ATP11A: variants seen among roughly 807,000 people sequenced by gnomAD.
The protein encoded by ATP11A is ATPase phospholipid transporting 11A, also known as phospholipid-transporting ATPase IH.
A neutral mutation model predicts 154.4 loss-of-function variants in ATP11A; 81 were observed. That is an observed-to-expected ratio of 0.52 (90% CI 0.44 to 0.63). ATP11A has a LOEUF of 0.63. Among genes scored for constraint, ATP11A ranks in the 30% least tolerant of loss-of-function variants. ATP11A has a pLI of 0.00. For missense variants in ATP11A, 1,316 were observed against 1,474.3 expected, an observed-to-expected ratio of 0.89 and a Z score of 1.76; for synonymous variants, 623 against 585.9, an observed-to-expected ratio of 1.06 and a Z score of -0.91.
rs1477863929 is a variant in ATP11A at position 112,885,126 on chromosome 13, A to G, written c.*3260A>G. ...ACCAAAGCATGTGTGACCTACAGAC[A>G]TGCAGAACATGCACGTGTACACATA... On this transcript the variant is annotated 3_prime_UTR_variant, in exon 30 of 30. Coordinates refer to ENST00000375645, the MANE Select transcript of ATP11A (RefSeq NM_015205.3). 2.6e-5 allele frequency: 4 copies of G among 152,290 alleles called. No individual in the cohort carries two copies. The highest frequency in any genetic ancestry group is 9.7e-5 in the African/African-American group (4 of 41,448). 9.4% of individuals were successfully genotyped at this position (152,290 alleles called of 1,614,324 possible). A position where few individuals can be genotyped will look rare whatever the true frequency, so the allele number is the denominator to read the frequency against.
intron 1 of ATP11A, among the ~76,000 whole-genome samples, chr13:112,737,911 C>T (rs1891162560): frequency 6.6e-6 from 1 of 152,122 alleles, no homozygotes; most frequent in Non-Finnish European, 1.5e-5. Context: ...TTCCGGAAGC[C>T]CATTCATAGT....
chr13:112,871,355 T>A (rs1313402089), intron 25 of ATP11A, among the ~76,000 whole-genome samples: 19 of 152,190 alleles, frequency 1.2e-4, no homozygotes. Context: ...GAGTTTGCAT[T>A]ATGGATATTT....
chr13:112,876,460 G>A (rs1481620125), intron 28 of ATP11A, among the ~76,000 whole-genome samples: 3 of 151,926 alleles, frequency 2.0e-5, no homozygotes, highest in South Asian at 2.1e-4. Context: ...CTTAGCTCCC[G>A]GTCCCCCATC....
chr13:112,858,289 A>C lies in ATP11A; in HGVS notation c.2666A>C (p.Lys889Thr), dbSNP rs2079992397. 6.2e-7 allele frequency: 1 copy of C among 1,610,338 alleles called. No individual in the cohort carries two copies. Among genetic ancestry groups the C allele is most frequent in the Admixed American group, 1.7e-5 (1 of 59,916 alleles). Residue 889 changes from lysine (K) to threonine (T), a missense_variant and splice_region_variant, in exon 22 of 30, where the codon AAG becomes ACG. Coordinates refer to ENST00000375645, the MANE Select transcript of ATP11A (RefSeq NM_015205.3). ...ISELVQYFFY[K>T]NVCFIFPQFL... ...GAGCTCGTGCAGTACTTCTTCTATA[A>C]GGTAGGAGGGTCGCCGCTCCCCCTC...
At chr13:112,733,600 A>G (rs1890705488) in intron 1 of ATP11A, among the ~76,000 whole-genome samples, 2 of 152,258 alleles carry the variant, frequency 1.3e-5, no homozygotes, top group East Asian at 3.8e-4. Flanking sequence ...TGTTAAATCC[A>G]GAACCTTCGA....
rs190157517 is a variant in ATP11A, at chr13:112,834,932, T to C, written c.1631+272T>C. On this transcript the variant is annotated intron_variant, in intron 15 of 29. Coordinates refer to ENST00000375645, the MANE Select transcript of ATP11A (RefSeq NM_015205.3). ...GAGTTCAGTGAACAAAAGTTCACTG[T>C]CAAATATGTTTTGGGTTAAGCCACC... 1.6e-4 allele frequency among the ~76,000 whole-genome samples: 24 copies of C among 152,324 alleles called. No individual in the cohort carries two copies. In the East Asian group the frequency reaches 3.7e-3, roughly 23 times the overall value.
Position 112,807,856 on chromosome 13 carries a change from G to A in ATP11A, c.333+1563G>A, listed in dbSNP as rs950336177. On this transcript the variant is annotated intron_variant, in intron 4 of 29. Coordinates refer to ENST00000375645, the MANE Select transcript of ATP11A (RefSeq NM_015205.3). The surrounding 1 kb of genome is among the most constrained non-coding windows in gnomAD (Gnocchi z 4.5). ...GAGCAGAGAGAAGGGGCGCGGGGGT[G>A]CAGAACAAGGGGCTGAGGCTCTATG... Among the ~76,000 whole-genome samples the A allele has an allele frequency of 1.3e-5, 2 of 152,120 alleles. No individual in the cohort carries two copies. The highest frequency in any genetic ancestry group is 2.9e-5 in the Non-Finnish European group (2 of 68,004).
intron 2 of ATP11A, among the ~76,000 whole-genome samples, chr13:112,786,113 C>T (rs9577838): frequency 1.7e-5 from 1 of 58,104 alleles, no homozygotes; most frequent in Non-Finnish European, 3.1e-5. Flanking sequence ...GCTAAACCCA[C>T]GCACACGCGT....
intron 1 of ATP11A, among the ~76,000 whole-genome samples, chr13:112,704,518 G>T (rs1276721750): frequency 6.6e-6 from 1 of 152,264 alleles, no homozygotes; most frequent in Non-Finnish European, 1.5e-5. Context: ...GCGAGGCTCT[G>T]ACTGCGGCGT....
rs1420600340 is a variant in ATP11A at position 112,787,197 on chromosome 13, T to C, written c.162+1940T>C. ...AGACCCCTGTGGAGACCTACTTAAT[T>C]CACACCAAGTGTCCTGATGTGTAGA... On this transcript the variant is annotated intron_variant, in intron 2 of 29. Transcript: ENST00000375645. Among the ~76,000 whole-genome samples, 160 of 138,054 alleles carry C rather than the reference T, an allele frequency of 1.2e-3. 4 individuals carry two copies. The highest frequency in any genetic ancestry group is 4.7e-3 in the African/African-American group (147 of 31,240). 90.6% of individuals were successfully genotyped at this position (138,054 alleles called of 152,430 possible). A position where few individuals can be genotyped will look rare whatever the true frequency, so the allele number is the denominator to read the frequency against.
At chr13:112,700,534 G>A (rs1175311200) in intron 1 of ATP11A, among the ~76,000 whole-genome samples, 1 of 152,242 alleles carries the variant, frequency 6.6e-6, no homozygotes, top group Non-Finnish European at 1.5e-5. Context: ...TGCTGAGGGT[G>A]GTGGGTGGGC....
intron 1 of ATP11A, among the ~76,000 whole-genome samples, chr13:112,766,520 A>G (rs960870078): frequency 3.3e-5 from 5 of 152,052 alleles, no homozygotes; most frequent in Non-Finnish European, 7.3e-5. Context: ...GGCTGAATCT[A>G]TACTGCAGCC....
intron 1 of ATP11A, among the ~76,000 whole-genome samples, chr13:112,721,010 T>G (rs1889111571): frequency 6.6e-6 from 1 of 152,040 alleles, no homozygotes. Context: ...GCTCTTGAAG[T>G]CAGAAGGTGA....
chr13:112,840,794 C>A (rs1377640028), intron 16 of ATP11A, among the ~76,000 whole-genome samples: 1 of 152,064 alleles, frequency 6.6e-6, no homozygotes, highest in Non-Finnish European at 1.5e-5. Flanking sequence ...CCTGTTCCTA[C>A]TCCTGAGTCC....
intron 1 of ATP11A, among the ~76,000 whole-genome samples, chr13:112,693,500 G>A (rs1885435887): frequency 6.6e-6 from 1 of 151,952 alleles, no homozygotes; most frequent in South Asian, 2.1e-4. Flanking sequence ...TGTGTGTGCC[G>A]TGGGGTGGTG....
rs763504140 is a variant in ATP11A at position 112,819,892 on chromosome 13, G to C, written c.675-8G>C. 6.2e-7 allele frequency: 1 copy of C among 1,614,102 alleles called. No homozygotes were observed. Among genetic ancestry groups the C allele is most frequent in the East Asian group, 2.2e-5 (1 of 44,880 alleles). ...GTCCGGTCAGTAACGTGGCTTTTCT[G>C]TCGCCAGGTTCGTGGGTCGCATCAA... On this transcript the variant is annotated splice_polypyrimidine_tract_variant and splice_region_variant and intron_variant, in intron 7 of 29. Transcript: ENST00000375645.
intron 12 of ATP11A, among the ~76,000 whole-genome samples, chr13:112,828,511 G>T (rs1393474639): frequency 1.4e-5 from 2 of 146,652 alleles, no homozygotes; most frequent in Non-Finnish European, 3.0e-5. Flanking sequence ...GCGGTGTTGA[G>T]TGTGGGGAAA....
rs1323051249 is a variant in ATP11A at position 112,805,038 on chromosome 13, C to G, written c.244C>G (p.Leu82Val). The G allele has an allele frequency of 1.2e-6, 2 of 1,608,278 alleles. No homozygotes were observed. Among genetic ancestry groups the G allele is most frequent in the Non-Finnish European group, 1.7e-6 (2 of 1,176,810 alleles). The change falls in exon 3 of 30, where the codon CTG (leucine) becomes GTG (valine). Residue 82 changes from leucine to valine, a missense_variant. Physicochemically the swap from Leu to Val is conservative, Grantham distance 32. Around this residue, in one of 5 missense-constraint regions of ATP11A, gnomAD observed 123 missense variants for 113.7 expected, o/e 1.08. Coordinates refer to ENST00000375645, the MANE Select transcript of ATP11A (RefSeq NM_015205.3). ...VANFYFLIIF[L>V]VQLIIDTPTS... ...CAACTTTTATTTCCTTATCATATTT[C>G]TGGTGCAGGTAAGGCCGGTCATTGT... is the stretch of plus-strand genomic sequence containing the variant.
intron 5 of ATP11A, chr13:112,812,141 GATTAA>G (rs2140167660): frequency 6.6e-6 from 1 of 152,324 alleles, no homozygotes; most frequent in South Asian, 2.1e-4. Flanking sequence ...CAAAATATGT[GATTAA>G]ATTATTTAAA....
Sources: allele counts gnomAD v4.1 joint callset (sites outside exome capture counted in the v4.1 genomes callset), GRCh38; gene constraint gnomAD v4.1.1; regional missense constraint gnomAD v4.1.1; non-coding constraint Gnocchi (gnomAD v3.1); transcripts MANE v1.5; gene names NCBI Gene and HGNC (gene_info 2026-07-23, HGNC 2026-07-21).